The following MORN1 variants were observed in gnomAD, a reference collection of about 807,000 sequenced individuals.
The protein encoded by MORN1 is MORN repeat-containing protein 1.
Under a neutral mutation model 61.9 loss-of-function variants are expected in MORN1, and 67 were observed. The ratio of observed to expected loss-of-function variants is 1.08; its 90% confidence interval spans 0.89 to 1.33. MORN1 has a LOEUF of 1.33. Ranked by LOEUF, MORN1 falls within the 40% of genes most tolerant of loss-of-function variation. MORN1 has a pLI of 0.00. For missense variants in MORN1, 752 were observed against 691.2 expected, an observed-to-expected ratio of 1.09 and a Z score of -0.99; for synonymous variants, 301 against 292.0, an observed-to-expected ratio of 1.03 and a Z score of -0.31.
chr1:2,370,740 GTCACGGGGC>G (rs1642100897), intron 8 of MORN1, among the ~76,000 whole-genome samples: 1 of 150,168 alleles, frequency 6.7e-6, no homozygotes, highest in South Asian at 2.1e-4. Flanking sequence ...TAGTGGTGCA[GTCACGGGGC>G]TCACTGTAGC....
chr1:2,322,691 C>T (rs1640909461), intron 13 of MORN1: 1 of 985,352 alleles, frequency 1.0e-6, no homozygotes, highest in South Asian at 4.7e-5. Flanking sequence ...ATGGCAACGC[C>T]ACAGTGTTTC....
Position 2,334,734 on chromosome 1 carries a change from C to T in MORN1, c.1250+1735G>A, listed in dbSNP as rs1641230090. 6.6e-6 allele frequency among the ~76,000 whole-genome samples: 1 copy of T among 152,346 alleles called. No individual in the cohort carries two copies. The highest frequency in any genetic ancestry group is 1.9e-4 in the East Asian group (1 of 5,184). ...TTGAAACAATCCTAGTCCAACGACA[C>T]TTAACTCGAGGACAGTGCGAGCCCT... On this transcript the variant is annotated intron_variant, in intron 12 of 13. Coordinates refer to ENST00000378531, the MANE Select transcript of MORN1 (RefSeq NM_024848.3). The surrounding 1 kb of genome is among the most constrained non-coding windows in gnomAD (Gnocchi z 5.4).
chr1:2,338,519 C>A (rs954366927), intron 10 of MORN1, among the ~76,000 whole-genome samples: 1 of 152,186 alleles, frequency 6.6e-6, no homozygotes, highest in Admixed American at 6.5e-5. Flanking sequence ...CCTAATCATG[C>A]GGACACCCTC....
chr1:2,381,894 T>A (rs965476244), intron 6 of MORN1, among the ~76,000 whole-genome samples: 1 of 152,130 alleles, frequency 6.6e-6, no homozygotes, highest in African/African-American at 2.4e-5. Flanking sequence ...CCCGGGCCAG[T>A]GTGGTGCCGG....
At chr1:2,341,703 A>AG (rs2100266711) in intron 10 of MORN1, among the ~76,000 whole-genome samples, 1 of 152,140 alleles carries the variant, frequency 6.6e-6, no homozygotes, top group East Asian at 1.9e-4. Flanking sequence ...AAAAAAAAAA[A>AG]AAAAAAAGAA....
chr1:2,355,839 A>C (rs1409690274), intron 10 of MORN1, among the ~76,000 whole-genome samples: 1 of 152,210 alleles, frequency 6.6e-6, no homozygotes, highest in Non-Finnish European at 1.5e-5. Flanking sequence ...TGAGCTCACA[A>C]GGCAGTGTGG....
chr1:2,347,177 G>C (rs1398781315), intron 10 of MORN1, among the ~76,000 whole-genome samples: 4 of 152,218 alleles, frequency 2.6e-5, no homozygotes, highest in Non-Finnish European at 4.4e-5. Context: ...GCTTTGCTGG[G>C]GGAGGTGGTT....
In MORN1 at chr1:2,374,798, G is replaced by A. The variant is rs1642198651; in HGVS notation, c.538-241C>T. On this transcript the variant is annotated intron_variant, in intron 6 of 13. Transcript: ENST00000378531. ...TTTGGAATTTTAACGATGCCAGGAG[G>A]TATGGGAACAACGGCACAGTATATA... is the stretch of plus-strand genomic sequence containing the variant. 13 of 490,730 alleles carry A rather than the reference G, an allele frequency of 2.6e-5. No homozygotes were observed. In the South Asian group the frequency reaches 3.8e-4, roughly 14 times the overall value. 30.4% of individuals were successfully genotyped at this position (490,730 alleles called of 1,614,324 possible).
intron 10 of MORN1, among the ~76,000 whole-genome samples, chr1:2,348,514 TG>T (rs1217740442): frequency 6.6e-6 from 1 of 152,162 alleles, no homozygotes; most frequent in African/African-American, 2.4e-5. Context: ...GACGCGCACC[TG>T]GGTACTGTGT....
chr1:2,383,169 C>T (rs569491377), intron 6 of MORN1, among the ~76,000 whole-genome samples: 28 of 152,354 alleles, frequency 1.8e-4, no homozygotes, highest in African/African-American at 6.7e-4. Flanking sequence ...GGAACTGGAC[C>T]CTGTCAACGT....
intron 9 of MORN1, 123 bp downstream of exon 9, chr1:2,358,469 A>G: frequency 7.7e-7 from 1 of 1,291,856 alleles, no homozygotes; most frequent in Non-Finnish European, 1.1e-6. Flanking sequence ...GACATCGAAT[A>G]TTTCATTTGT....
At chr1:2,345,806 C>T (rs1406883275) in intron 10 of MORN1, among the ~76,000 whole-genome samples, 1 of 148,128 alleles carries the variant, frequency 6.8e-6, no homozygotes, top group Non-Finnish European at 1.5e-5. Flanking sequence ...AGCAAGAGCA[C>T]ACACACAGCC....
intron 6 of MORN1, among the ~76,000 whole-genome samples, chr1:2,381,121 A>G (rs113159605): frequency 5.7e-4 from 87 of 152,362 alleles, no homozygotes; most frequent in African/African-American, 2.0e-3. Context: ...CCAGAGTCCA[A>G]GGGACAGACC....
chr1:2,338,366 G>A (rs1474770753), intron 10 of MORN1, among the ~76,000 whole-genome samples: 1 of 152,126 alleles, frequency 6.6e-6, no homozygotes, highest in African/African-American at 2.4e-5. Flanking sequence ...TTACGTCCGG[G>A]GCAATGGCTG....
intron 13 of MORN1, chr1:2,323,462 C>T (rs1468242657): frequency 2.0e-6 from 2 of 985,426 alleles, no homozygotes; most frequent in Non-Finnish European, 2.4e-6. Flanking sequence ...GGCAGCCAGT[C>T]AGCCGCGGTG....
intron 5 of MORN1, 98 bp from the exon 6 acceptor site, chr1:2,385,163 G>A (rs752694595): frequency 3.6e-5 from 47 of 1,292,344 alleles, no homozygotes; most frequent in African/African-American, 5.9e-5. Context: ...CAGGCACTGC[G>A]GGACCGAGGC....
chr1:2,332,827 C>A, intron 12 of MORN1: 1 of 426,880 alleles, frequency 2.3e-6, no homozygotes, highest in South Asian at 1.7e-5. Flanking sequence ...GAAGCCGGAG[C>A]CAGGACCCCA....
rs774630246 is a variant in MORN1 at position 2,372,497 on chromosome 1, G to A, written c.729C>T (p.His243=). The A allele has an allele frequency of 2.8e-5, 45 of 1,613,134 alleles. No homozygotes were observed. The South Asian group carries it at 4.3e-4, about 15-fold the overall frequency. Residue 243 remains histidine, a synonymous_variant, in exon 8 of 14, where the codon CAC becomes CAT. Coordinates refer to ENST00000378531, the MANE Select transcript of MORN1 (RefSeq NM_024848.3). This position sits in a 1 kb window ranked among gnomAD's most constrained non-coding sequence, Gnocchi z 5.4. ...GATGCTTACTCTTGGCAATTTCCCCGTGGTCCTGCAGCAGCTGAACGTTCA... is the reference window on the plus strand; with the variant it reads ...GATGCTTACTCTTGGCAATTTCCCCATGGTCCTGCAGCAGCTGAACGTTCA... ...FSVNVQLLQD[H]GEIAKSESGR...
At chr1:2,362,354 T>C (rs1169520026) in intron 8 of MORN1, among the ~76,000 whole-genome samples, 1 of 152,244 alleles carries the variant, frequency 6.6e-6, no homozygotes, top group Non-Finnish European at 1.5e-5. Flanking sequence ...TTGGTCTTGC[T>C]GTTTTTGGGG....
Sources: gnomAD v4.1 joint callset for allele counts (sites outside exome capture counted in the v4.1 genomes callset) on GRCh38, gnomAD v4.1.1 for gene constraint, Gnocchi (gnomAD v3.1) non-coding constraint, MANE v1.5 for transcripts, NCBI Gene and HGNC (gene_info 2026-07-23, HGNC 2026-07-21) for gene names.